The following ADARB2 variants were observed in gnomAD, a reference collection of about 807,000 sequenced individuals.
The protein encoded by ADARB2 is adenosine deaminase RNA specific B2 (inactive), also known as inactive double-stranded RNA-specific editase B2.
ADARB2 carries 25 observed loss-of-function variants against 62.2 expected under a neutral mutation model. That is an observed-to-expected ratio of 0.40 (90% confidence interval 0.29 to 0.56). The LOEUF (loss-of-function observed/expected upper bound fraction) is 0.56, where lower values mean the gene tolerates loss of function less well. Among genes scored for constraint, ADARB2 ranks in the 20% least tolerant of loss-of-function variants. The pLI is 0.43. For synonymous variants in ADARB2, 572 were observed against 500.8 expected (o/e 1.14, Z -1.90); for missense variants, 1,071 against 1,077.4 (o/e 0.99, Z 0.08).
At chr10:1,336,947 T>C (rs4880825) in intron 3 of ADARB2, among the ~76,000 whole-genome samples, 68,847 of 151,922 alleles carry the variant, frequency 0.45, 16,062 homozygotes, top group African/African-American at 0.57. Flanking sequence ...AGTACACAGC[T>C]CTGCCACAGA....
chr10:1,725,196 G>C (rs1399873370), intron 1 of ADARB2, among the ~76,000 whole-genome samples: 1 of 152,138 alleles, frequency 6.6e-6, no homozygotes, highest in Non-Finnish European at 1.5e-5. Context: ...CTGTAAAATA[G>C]ATACATCCAA....
intron 1 of ADARB2, among the ~76,000 whole-genome samples, chr10:1,503,862 T>C (rs1831798566): frequency 6.6e-6 from 1 of 152,124 alleles, no homozygotes; most frequent in Admixed American, 6.6e-5. Flanking sequence ...TCTGCCATGA[T>C]TGGAAGCTTC....
chr10:1,531,148 C>T (rs941044821), intron 1 of ADARB2, among the ~76,000 whole-genome samples: 3 of 152,210 alleles, frequency 2.0e-5, no homozygotes, highest in Non-Finnish European at 4.4e-5. Context: ...CATAGGTTCG[C>T]TGAGTGCCTC....
At chr10:1,646,762 T>G (rs1172315409) in intron 1 of ADARB2, among the ~76,000 whole-genome samples, 3 of 152,100 alleles carry the variant, frequency 2.0e-5, no homozygotes, top group African/African-American at 7.2e-5. Flanking sequence ...TGGGAGGGGG[T>G]GTGTGATGTG....
chr10:1,463,983 C>T (rs1831210827), intron 1 of ADARB2, among the ~76,000 whole-genome samples: 1 of 152,228 alleles, frequency 6.6e-6, no homozygotes, highest in South Asian at 2.1e-4. Context: ...CATAAGACGC[C>T]TGGACACACC....
At chr10:1,534,177 C>A (rs1052412938) in intron 1 of ADARB2, among the ~76,000 whole-genome samples, 10 of 149,930 alleles carry the variant, frequency 6.7e-5, no homozygotes, top group African/African-American at 2.0e-4. Flanking sequence ...CACTTTGTCG[C>A]CCAGGCTGGA....
At chr10:1,650,807 G>A (rs752828798) in intron 1 of ADARB2, among the ~76,000 whole-genome samples, 31 of 152,168 alleles carry the variant, frequency 2.0e-4, no homozygotes, top group Admixed American at 4.6e-4. Flanking sequence ...TCAGCAGTGG[G>A]ACATTTGCCC....
At position 1,560,122 on chromosome 10, in the gene ADARB2, C is replaced by T. The variant is rs150867188; in HGVS notation, c.100+176929G>A. Among the ~76,000 whole-genome samples, 513 of 152,270 alleles carry T rather than the reference C, an allele frequency of 3.4e-3. 2 individuals carry two copies. Among genetic ancestry groups the T allele is most frequent in the Middle Eastern group, 0.02 (6 of 294 alleles). ...CAAATCCTAAGATTCCCAGACTAGT[C>T]GGCTCCCTAATGCATTTCTCTAAAA... On this transcript the variant is annotated intron_variant, in intron 1 of 9. Coordinates refer to ENST00000381312, the MANE Select transcript of ADARB2 (RefSeq NM_018702.4).
chr10:1,243,442 C>T (rs1304486679), intron 4 of ADARB2, among the ~76,000 whole-genome samples: 1 of 152,260 alleles, frequency 6.6e-6, no homozygotes, highest in Admixed American at 6.5e-5. Context: ...AAGCAGGCTT[C>T]CCTCCCATCT....
At chr10:1,232,517 T>C (rs905979118) in intron 6 of ADARB2, among the ~76,000 whole-genome samples, 1 of 143,116 alleles carries the variant, frequency 7.0e-6, no homozygotes, top group Non-Finnish European at 1.5e-5. Context: ...TGGTATGTGC[T>C]GTGTGTGATG....
At position 1,704,315 on chromosome 10, in the gene ADARB2, C is replaced by T. The variant is rs1834860459; in HGVS notation, c.100+32736G>A. Among the ~76,000 whole-genome samples, 1 of 152,142 alleles carries T rather than the reference C, an allele frequency of 6.6e-6. No homozygotes were observed. The highest frequency in any genetic ancestry group is 1.5e-5 in the Non-Finnish European group (1 of 68,034). On this transcript the variant is annotated intron_variant, in intron 1 of 9. Coordinates refer to ENST00000381312, the MANE Select transcript of ADARB2 (RefSeq NM_018702.4). The surrounding 1 kb of genome is among the most constrained non-coding windows in gnomAD (Gnocchi z 5.6). ...TATATAACTCAGCATAATGTAGAAT[C>T]AGTGGGAGTCCTGAGCTTGTTTTCC...
intron 1 of ADARB2, among the ~76,000 whole-genome samples, chr10:1,671,267 C>T (rs558389296): frequency 6.6e-6 from 1 of 152,340 alleles, no homozygotes; most frequent in African/African-American, 2.4e-5. Context: ...TGCTCCGCTC[C>T]TCTTCCTCCT....
chr10:1,421,414 G>A (rs1832852123), intron 1 of ADARB2, among the ~76,000 whole-genome samples: 1 of 151,972 alleles, frequency 6.6e-6, no homozygotes, highest in Non-Finnish European at 1.5e-5. Context: ...ATCTTTTTGG[G>A]TAACAATGGG....
At chr10:1,361,903 T>C (rs1330090382) in intron 3 of ADARB2, among the ~76,000 whole-genome samples, 1 of 152,250 alleles carries the variant, frequency 6.6e-6, no homozygotes, top group Non-Finnish European at 1.5e-5. Context: ...AAATGTTTCT[T>C]TCCTTGATTG....
At chr10:1,604,080 C>T (rs575189695) in intron 1 of ADARB2, among the ~76,000 whole-genome samples, 1 of 152,306 alleles carries the variant, frequency 6.6e-6, no homozygotes, top group East Asian at 1.9e-4. Context: ...GCTGGGATTA[C>T]AGGCATGAGC....
rs61283089 is a variant in ADARB2, at chr10:1,486,210, C to CTGTGTGTGTGTG, written c.101-107062_101-107051dup. Among the ~76,000 whole-genome samples the CTGTGTGTGTGTG allele has an allele frequency of 7.0e-3, 995 of 142,926 alleles. 10 individuals carry two copies. The highest frequency in any genetic ancestry group is 0.019 in the African/African-American group (763 of 39,640). The allele number at this position is 142,926 out of a possible 152,430, so 93.8% of individuals were successfully genotyped here. ...TGTGCATGTGTATGTGTGTGGACGCCTGTGTGTGTGTGTGTGTGTGTGTGT... is the reference window on the plus strand; with the variant it reads ...TGTGCATGTGTATGTGTGTGGACGCCTGTGTGTGTGTGTGTGTGTGTGTGTGTGTGTGTGTGT... On this transcript the variant is annotated intron_variant, in intron 1 of 9. Transcript: ENST00000381312.
intron 1 of ADARB2, among the ~76,000 whole-genome samples, chr10:1,604,083 G>C (rs2132016638): frequency 6.6e-6 from 1 of 152,216 alleles, no homozygotes; most frequent in South Asian, 2.1e-4. Context: ...GGGATTACAG[G>C]CATGAGCCAC....
chr10:1,527,980 A>G (rs543865972), intron 1 of ADARB2, among the ~76,000 whole-genome samples: 2 of 152,366 alleles, frequency 1.3e-5, no homozygotes, highest in African/African-American at 4.8e-5. Context: ...TGGAGTAAGT[A>G]GAAAAATGCC....
At chr10:1,641,010 G>A (rs1056497428) in intron 1 of ADARB2, among the ~76,000 whole-genome samples, 1 of 152,132 alleles carries the variant, frequency 6.6e-6, no homozygotes, top group Non-Finnish European at 1.5e-5. Flanking sequence ...TTAGATTCTA[G>A]CGAAAAAGTA....
Sources: gnomAD v4.1 joint callset for allele counts (sites outside exome capture counted in the v4.1 genomes callset) on GRCh38, gnomAD v4.1.1 for gene constraint, Gnocchi (gnomAD v3.1) non-coding constraint, MANE v1.5 for transcripts, NCBI Gene and HGNC (gene_info 2026-07-23, HGNC 2026-07-21) for gene names.